Variants in CRYBA2 observed in about 807,000 individuals in gnomAD.
CRYBA2 encodes the protein crystallin beta A2, also known as beta-crystallin A2.
CRYBA2 carries 17 observed loss-of-function variants against 18.5 expected under a neutral mutation model. That is an observed-to-expected ratio of 0.92 (90% CI 0.63 to 1.38). The LOEUF (loss-of-function observed/expected upper bound fraction) is 1.38, where lower values mean the gene tolerates loss of function less well. CRYBA2 is among the 40% of genes most tolerant of loss of function. The pLI, the probability that CRYBA2 is intolerant of heterozygous loss-of-function variation, is 0.00. For synonymous variants in CRYBA2, 101 were observed against 106.2 expected (o/e 0.95, Z 0.30); for missense variants, 271 against 265.0 (o/e 1.02, Z -0.16).
chr2:218,992,323 A>G (rs1274996163), intron 1 of CRYBA2, 80 bp from the exon 2 acceptor site: 16 of 1,455,114 alleles, frequency 1.1e-5, no homozygotes, highest in African/African-American at 2.8e-5. Context: ...ATGATTGAAA[A>G]GACTGAGAAG....
At position 218,993,163 on chromosome 2, in the gene CRYBA2, G is replaced by C. The variant is rs1315874345; in HGVS notation, c.14C>G (p.Pro5Arg). MSSAPAPGPAPASLT... is the reference protein window; with the variant it reads MSSARAPGPAPASLT... ...GCTGGCGGGCGCCGGGCCCGGCGCG[G>C]GGGCGCTGCTCATGCCGCTGCGGAC... Residue 5 changes from proline (P) to arginine (R), a missense_variant, in exon 1 of 4, where the codon CCC becomes CGC. Pro to Arg is a moderately radical substitution (Grantham distance 103). Transcript: ENST00000295728. The surrounding 1 kb of genome is among the most constrained non-coding windows in gnomAD (Gnocchi z 7.7). The C allele has an allele frequency of 1.2e-6, 2 of 1,603,606 alleles. No homozygotes were observed. The highest frequency in any genetic ancestry group is 3.4e-5 in the Admixed American group (2 of 58,636).
At position 218,993,036 on chromosome 2, in the gene CRYBA2, C is replaced by G; in HGVS notation, c.141G>C (p.Ser47=). The change falls in exon 1 of 4, where the codon TCG becomes TCC. Residue 47 remains serine (S), a synonymous_variant. Transcript: ENST00000295728. This position sits in a 1 kb window ranked among gnomAD's most constrained non-coding sequence, Gnocchi z 7.7. ...CTCACACGCCGTTTTCCACCTTGAC[C>G]GAGCGCACCCTGGGCAGGCCTCCGC... is the stretch of plus-strand genomic sequence containing the variant. ...CERGGLPRVR[S]VKVENGVWVA... 3 of 1,606,126 alleles carry G rather than the reference C, an allele frequency of 1.9e-6. No homozygotes were observed. Among genetic ancestry groups the G allele is most frequent in the Non-Finnish European group, 2.6e-6 (3 of 1,175,220 alleles).
intron 1 of CRYBA2, 134 bp from the exon 2 acceptor site, chr2:218,992,377 C>T: frequency 1.1e-6 from 1 of 882,170 alleles, no homozygotes; most frequent in East Asian, 2.8e-5. Context: ...CTGACACCCC[C>T]ATTGTATGGC....
chr2:218,991,170 C>T (rs1945493651), intron 2 of CRYBA2, 176 bp from the exon 3 acceptor site: 8 of 901,628 alleles, frequency 8.9e-6, no homozygotes, highest in Non-Finnish European at 9.6e-6. Context: ...AAATGGATCG[C>T]TCAGAGGTTC....
At chr2:218,992,567 C>G (rs1375753869) in intron 1 of CRYBA2, among the ~76,000 whole-genome samples, 2 of 152,116 alleles carry the variant, frequency 1.3e-5, no homozygotes, top group Admixed American at 1.3e-4. Flanking sequence ...ATTGGAGGAC[C>G]CCTCCCGAAT....
chr2:218,991,980 C>A (rs1325240297), intron 2 of CRYBA2, 122 bp downstream of exon 2: 6 of 778,442 alleles, frequency 7.7e-6, no homozygotes, highest in Non-Finnish European at 2.0e-6. Context: ...AATGCTACTA[C>A]CACCCATCTC....
Position 218,991,144 on chromosome 2 carries a change from T to A in CRYBA2, c.304-150A>T. On this transcript the variant is annotated intron_variant, in intron 2 of 3. Transcript: ENST00000295728. ...CACTCCCAGAGCTCACCCCATCAGCTCCCTGGCAGTCTGGGAAATGGATCG... is the reference window on the plus strand; with the variant it reads ...CACTCCCAGAGCTCACCCCATCAGCACCCTGGCAGTCTGGGAAATGGATCG... The A allele has an allele frequency of 6.8e-6, 8 of 1,171,778 alleles. No individual in the cohort carries two copies. In the South Asian group the frequency reaches 1.0e-4, roughly 15 times the overall value. 72.6% of individuals were successfully genotyped at this position (1,171,778 alleles called of 1,614,324 possible).
At chr2:218,992,962 G>A (rs376897868) in intron 1 of CRYBA2, 54 bp downstream of exon 1, 12 of 1,457,304 alleles carry the variant, frequency 8.2e-6, no homozygotes, top group Admixed American at 7.5e-5. Context: ...AGCCTAGGCC[G>A]GTGGAACCCA....
chr2:218,991,966 A>G lies in CRYBA2; in HGVS notation c.303+136T>C, dbSNP rs375264743. 228 of 736,032 alleles carry G rather than the reference A, an allele frequency of 3.1e-4. No individual in the cohort carries two copies. In the Middle Eastern group the frequency reaches 5.6e-3, roughly 18 times the overall value. 45.6% of individuals were successfully genotyped at this position (736,032 alleles called of 1,614,324 possible). A position where few individuals can be genotyped will look rare whatever the true frequency, so the allele number is the denominator to read the frequency against. On this transcript the variant is annotated intron_variant, in intron 2 of 3. Transcript: ENST00000295728. ...TTGGAGACACCCTTCTGATTCTGAG[A>G]AATAATGCTACTACCACCCATCTCG...
In CRYBA2 at chr2:218,990,887, G is replaced by A. The variant is rs1945489191; in HGVS notation, c.411C>T (p.Ser137=). The change falls in exon 3 of 4, where the codon AGC becomes AGT. Residue 137 remains serine, a synonymous_variant. Transcript: ENST00000295728. ...YPSLPSMGWA[S]KDVGSLKVSS... Reference sequence around the variant, plus strand: ...TGACTTTGAGGGAACCCACATCCTTGCTGGCCCAGCCCATGGAGGGCAGGG... The same window carrying A: ...TGACTTTGAGGGAACCCACATCCTTACTGGCCCAGCCCATGGAGGGCAGGG... 1 of 1,613,944 alleles carries A rather than the reference G, an allele frequency of 6.2e-7. No homozygotes were observed. The highest frequency in any genetic ancestry group is 1.3e-5 in the African/African-American group (1 of 74,896).
intron 2 of CRYBA2, 70 bp from the exon 3 acceptor site, chr2:218,991,064 C>T: frequency 6.3e-7 from 1 of 1,575,518 alleles, no homozygotes; most frequent in East Asian, 2.3e-5. Context: ...TCCTCTGCCT[C>T]ACTTCCCCCA....
chr2:218,993,035 C>T lies in CRYBA2; in HGVS notation c.142G>A (p.Val48Ile), dbSNP rs941468961. The change falls in exon 1 of 4, where the codon GTC (valine) becomes ATC (isoleucine). Residue 48 changes from valine (V) to isoleucine (I), a missense_variant. By Grantham distance (29) the Val-to-Ile change is conservative. Transcript: ENST00000295728. This position sits in a 1 kb window ranked among gnomAD's most constrained non-coding sequence, Gnocchi z 7.7. ...ACTCACACGCCGTTTTCCACCTTGA[C>T]CGAGCGCACCCTGGGCAGGCCTCCG... ...ERGGLPRVRS[V>I]KVENGVWVAF... is the part of the protein sequence containing the mutation. 1 of 1,606,198 alleles carries T rather than the reference C, an allele frequency of 6.2e-7. No homozygotes were observed.
intron 2 of CRYBA2, chr2:218,991,807 G>A (rs1020134728): frequency 3.3e-5 from 13 of 399,716 alleles, no homozygotes; most frequent in African/African-American, 1.2e-4. Context: ...GCTGTGTGAC[G>A]ACAGAGGCAC....
In CRYBA2 at chr2:218,990,333, G is replaced by A. The variant is rs761469307; in HGVS notation, c.513C>T (p.Ser171=). The change falls in exon 4 of 4, where the codon AGC becomes AGT. Residue 171 remains serine (S), a synonymous_variant. Coordinates refer to ENST00000295728, the MANE Select transcript of CRYBA2 (RefSeq NM_057093.2). ...GCTCACCGTAAGTACAGAACTCTCCGCTGTGCCGGTCCCGCTCCAACACAT... is the reference window on the plus strand; with the variant it reads ...GCTCACCGTAAGTACAGAACTCTCCACTGTGCCGGTCCCGCTCCAACACAT... ...YQYVLERDRH[S]GEFCTYGELG... is the part of the protein sequence containing the mutation. 68 of 1,614,014 alleles carry A rather than the reference G, an allele frequency of 4.2e-5. No individual in the cohort carries two copies. Among genetic ancestry groups the A allele is most frequent in the African/African-American group, 1.1e-4 (8 of 74,920 alleles).
chr2:218,990,438 G>GCCCCCCCCCCCCCCCCCTGTTTTCCCC, intron 3 of CRYBA2, 39 bp from the exon 4 acceptor site: 1 of 1,606,078 alleles, frequency 6.2e-7, no homozygotes, highest in Non-Finnish European at 8.5e-7. Context: ...AGTAAGCTCT[G>GCCCCCCCCCCCCCCCCCTGTTTTCCCC]CCCCCACCCC....
chr2:218,990,430 T>C (rs771404920), intron 3 of CRYBA2, 31 bp from the exon 4 acceptor site: 1 of 1,611,830 alleles, frequency 6.2e-7, no homozygotes, highest in Non-Finnish European at 8.5e-7. Flanking sequence ...AGGCAGGGAG[T>C]AAGCTCTGCC....
At chr2:218,990,514 C>T (rs1246559339) in intron 3 of CRYBA2, 115 bp from the exon 4 acceptor site, 39 of 1,306,628 alleles carry the variant, frequency 3.0e-5, no homozygotes, top group Middle Eastern at 2.6e-4. Context: ...AAAATCATTG[C>T]TTCAACTTTC....
Position 218,990,870 on chromosome 2 carries a change from A to C in CRYBA2, c.428T>G (p.Leu143Arg), listed in dbSNP as rs1284494016. The C allele has an allele frequency of 1.2e-6, 2 of 1,613,860 alleles. No homozygotes were observed. Among genetic ancestry groups the C allele is most frequent in the African/African-American group, 2.7e-5 (2 of 74,998 alleles). The change falls in exon 3 of 4, where the codon CTC becomes CGC. Residue 143 changes from leucine to arginine, a missense_variant. Transcript: ENST00000295728. ...GACTCACGCTCCGGAGCTGACTTTGAGGGAACCCACATCCTTGCTGGCCCA... is the reference window on the plus strand; with the variant it reads ...GACTCACGCTCCGGAGCTGACTTTGCGGGAACCCACATCCTTGCTGGCCCA... ...MGWASKDVGSLKVSSGAWVAY... is the reference protein window; with the variant it reads ...MGWASKDVGSRKVSSGAWVAY...
chr2:218,990,876 C>G lies in CRYBA2; in HGVS notation c.422G>C (p.Gly141Ala). ...PSMGWASKDV[G>A]SLKVSSGAWV... ...CGCTCCGGAGCTGACTTTGAGGGAA[C>G]CCACATCCTTGCTGGCCCAGCCCAT... is the stretch of plus-strand genomic sequence containing the variant. The change falls in exon 3 of 4, where the codon GGT becomes GCT. Residue 141 changes from glycine (G) to alanine (A), a missense_variant. Coordinates refer to ENST00000295728, the MANE Select transcript of CRYBA2 (RefSeq NM_057093.2). 6.2e-7 allele frequency: 1 copy of G among 1,614,100 alleles called. No individual in the cohort carries two copies. The highest frequency in any genetic ancestry group is 8.5e-7 in the Non-Finnish European group (1 of 1,179,984).
Sources: allele counts gnomAD v4.1 joint callset (sites outside exome capture counted in the v4.1 genomes callset), GRCh38; gene constraint gnomAD v4.1.1; non-coding constraint Gnocchi (gnomAD v3.1); transcripts MANE v1.5; gene names NCBI Gene and HGNC (gene_info 2026-07-23, HGNC 2026-07-21).